WDR4: variants seen among roughly 807,000 people sequenced by gnomAD.
The protein encoded by WDR4 is WDR4 tRNA N7-guanosine methyltransferase non-catalytic subunit, also known as tRNA (guanine-N(7)-)-methyltransferase non-catalytic subunit WDR4.
Under a neutral mutation model 48.6 loss-of-function variants are expected in WDR4, and 47 were observed. The observed-to-expected ratio is 0.97, with a 90% CI of 0.77 to 1.23. The LOEUF is 1.23. WDR4 is among the 50% of genes most tolerant of loss of function. The pLI is 0.00. For missense variants in WDR4, 606 were observed against 551.6 expected, an observed-to-expected ratio of 1.10 and a Z score of -0.99; for synonymous variants, 268 against 230.0, an observed-to-expected ratio of 1.17 and a Z score of -1.49.
Position 42,862,253 on chromosome 21 carries a change from C to A in WDR4, c.566+29G>T. The A allele has an allele frequency of 6.4e-7, 1 of 1,567,798 alleles. No individual in the cohort carries two copies. Among genetic ancestry groups the A allele is most frequent in the Non-Finnish European group, 8.7e-7 (1 of 1,154,006 alleles). ...CGCTGTTTTCAAACAGACCTTCTTT[C>A]TGCTGGAGGGGCAGGAAGGGGCACT... On this transcript the variant is annotated intron_variant, in intron 5 of 10. Transcript: ENST00000398208. The surrounding 1 kb of genome is among the most constrained non-coding windows in gnomAD (Gnocchi z 4.3).
chr21:42,852,125 G>A (rs548709207), intron 10 of WDR4, 130 bp downstream of exon 10: 10 of 955,802 alleles, frequency 1.0e-5, no homozygotes, highest in African/African-American at 4.9e-5. Flanking sequence ...TTCTGGATGG[G>A]GACACACGCT....
rs193280002 is a variant in WDR4 at position 42,862,385 on chromosome 21, G to C, written c.463C>G (p.Pro155Ala). Residue 155 changes from proline to alanine, a missense_variant, in exon 5 of 11, where the codon CCT (proline) becomes GCT (alanine). By Grantham distance (27) the Pro-to-Ala change is conservative (BLOSUM62 -1). Coordinates refer to ENST00000398208, the MANE Select transcript of WDR4 (RefSeq NM_018669.6). This position sits in a 1 kb window ranked among gnomAD's most constrained non-coding sequence, Gnocchi z 4.3. ...LSMLLDVAVS[P>A]DDRFILTADR... ...GCAGTGAGGATGAAGCGGTCATCAG[G>C]ACTCACAGCCTGCATCACCAGGGGC... is the stretch of plus-strand genomic sequence containing the variant. 5.5e-5 allele frequency: 88 copies of C among 1,606,590 alleles called. No individual in the cohort carries two copies. The African/African-American group carries it at 9.5e-4, about 17-fold the overall frequency.
chr21:42,878,128 A>G (rs2058544338), intron 1 of WDR4, among the ~76,000 whole-genome samples: 1 of 152,082 alleles, frequency 6.6e-6, no homozygotes, highest in Non-Finnish European at 1.5e-5. Context: ...TCAAAGAGCC[A>G]TTACTATTTA....
chr21:42,859,732 C>A lies in WDR4; in HGVS notation c.567-10G>T, dbSNP rs1437770390. On this transcript the variant is annotated splice_polypyrimidine_tract_variant and intron_variant, in intron 5 of 10. Transcript: ENST00000398208. Reference sequence around the variant, plus strand: ...GATACGGCTCACAAACCTGTGAGGGCGAGAGAGAGCGGCAGAGTCAGCGAG... The same window carrying A: ...GATACGGCTCACAAACCTGTGAGGGAGAGAGAGAGCGGCAGAGTCAGCGAG... 2.6e-6 allele frequency: 4 copies of A among 1,555,418 alleles called. 1 individual carries two copies. In the South Asian group the frequency reaches 4.8e-5, roughly 18 times the overall value.
At chr21:42,851,365 T>TCAGAGG (rs1403109523) in intron 10 of WDR4, among the ~76,000 whole-genome samples, 5 of 152,106 alleles carry the variant, frequency 3.3e-5, no homozygotes, top group Admixed American at 2.6e-4. Context: ...GAGAGAAGCC[T>TCAGAGG]CAGAGGCAGA....
the WDR4 span, among the ~76,000 whole-genome samples, chr21:42,892,508 T>C: frequency 6.6e-6 from 1 of 151,906 alleles, no homozygotes; most frequent in Admixed American, 6.6e-5. Flanking sequence ...CAGGAATCCC[T>C]ACACAATCCA....
rs997982061 is a variant in WDR4 at position 42,862,655 on chromosome 21, C to T, written c.454-261G>A. Among the ~76,000 whole-genome samples, 3 of 152,114 alleles carry T rather than the reference C, an allele frequency of 2.0e-5. No individual in the cohort carries two copies. The highest frequency in any genetic ancestry group is 4.4e-5 in the Non-Finnish European group (3 of 68,020). On this transcript the variant is annotated intron_variant, in intron 4 of 10. Coordinates refer to ENST00000398208, the MANE Select transcript of WDR4 (RefSeq NM_018669.6). This position sits in a 1 kb window ranked among gnomAD's most constrained non-coding sequence, Gnocchi z 4.3. ...AGGCTTCTGGGGTGGGGCAGTGCCA[C>T]CCCTGCCTGCCTGTCTCCCGCACCT...
At position 42,853,571 on chromosome 21, in the gene WDR4, G is replaced by T. The variant is rs1250933373; in HGVS notation, c.973C>A (p.Gln325Lys). 2 of 1,607,756 alleles carry T rather than the reference G, an allele frequency of 1.2e-6. No individual in the cohort carries two copies. Among genetic ancestry groups the T allele is most frequent in the East Asian group, 4.5e-5 (2 of 44,674 alleles). ...VLYRPVGDQW[Q>K]SVPESTVLKK... ...ATCTGGAAGGTGCCGAGTCTCACCT[G>T]CCACTGGTCGCCCACAGGCCTGTAG... Residue 325 changes from glutamine (Q) to lysine (K), a missense_variant and splice_region_variant, in exon 9 of 11, where the codon CAG (glutamine) becomes AAG (lysine). Physicochemically the swap from Gln to Lys is moderately conservative, Grantham distance 53. Transcript: ENST00000398208.
chr21:42,873,398 A>G (rs983638722), intron 3 of WDR4, among the ~76,000 whole-genome samples, 153 bp downstream of exon 3: 1 of 147,588 alleles, frequency 6.8e-6, no homozygotes, highest in Non-Finnish European at 1.5e-5. Flanking sequence ...GCCAACACAC[A>G]TGTGGCACTG....
chr21:42,866,313 G>A (rs2058244973), intron 3 of WDR4, among the ~76,000 whole-genome samples: 1 of 152,128 alleles, frequency 6.6e-6, no homozygotes, highest in South Asian at 2.1e-4. Flanking sequence ...TCTTGGCTAC[G>A]CCTCAAAACC....
At chr21:42,864,955 C>T (rs929257433) in intron 3 of WDR4, among the ~76,000 whole-genome samples, 5 of 152,218 alleles carry the variant, frequency 3.3e-5, no homozygotes, top group East Asian at 1.9e-4. Context: ...CTGCCCAATA[C>T]GCAGCCAACA....
At chr21:42,892,953 C>G in the WDR4 span, among the ~76,000 whole-genome samples, 2 of 152,250 alleles carry the variant, frequency 1.3e-5, no homozygotes, top group Non-Finnish European at 2.9e-5. Context: ...TTTAAGGCTG[C>G]GAGGACAAGG....
chr21:42,892,598 C>T, the WDR4 span, among the ~76,000 whole-genome samples: 1 of 152,146 alleles, frequency 6.6e-6, no homozygotes, highest in Non-Finnish European at 1.5e-5. Context: ...GCGAATGGGG[C>T]TCTGGGCACG....
upstream of WDR4, among the ~76,000 whole-genome samples, chr21:42,884,413 C>T (rs1601201337): frequency 6.6e-6 from 1 of 152,010 alleles, no homozygotes; most frequent in Admixed American, 6.6e-5. Flanking sequence ...CTTTGGGAGG[C>T]CGAGGTGGGT....
chr21:42,881,986 A>C (rs1173010248), upstream of WDR4, among the ~76,000 whole-genome samples: 2 of 151,896 alleles, frequency 1.3e-5, no homozygotes, highest in East Asian at 3.9e-4. Flanking sequence ...TTTTTAGTAG[A>C]GACGGGGTTT....
chr21:42,852,136 T>C, intron 10 of WDR4, 119 bp downstream of exon 10: 2 of 1,063,238 alleles, frequency 1.9e-6, no homozygotes, highest in Non-Finnish European at 1.4e-6. Flanking sequence ...GACACACGCT[T>C]ACTCTCCCTC....
At chr21:42,870,859 C>G (rs372107625) in intron 3 of WDR4, among the ~76,000 whole-genome samples, 15 of 152,108 alleles carry the variant, frequency 9.9e-5, no homozygotes, top group African/African-American at 3.4e-4. Flanking sequence ...GAGTCCAAGC[C>G]CCCTTTGAGA....
chr21:42,867,956 G>A (rs2058285103), intron 3 of WDR4, among the ~76,000 whole-genome samples: 1 of 152,042 alleles, frequency 6.6e-6, no homozygotes, highest in South Asian at 2.1e-4. Flanking sequence ...TCTCCCTCTT[G>A]GCAAAGCACC....
At chr21:42,858,454 G>T (rs1007604424) in intron 6 of WDR4, among the ~76,000 whole-genome samples, 1 of 152,220 alleles carries the variant, frequency 6.6e-6, no homozygotes, top group African/African-American at 2.4e-5. Context: ...GAGGGAAACC[G>T]TTTCAACCAG....
Sources: allele counts gnomAD v4.1 joint callset (sites outside exome capture counted in the v4.1 genomes callset), GRCh38; gene constraint gnomAD v4.1.1; non-coding constraint Gnocchi (gnomAD v3.1); transcripts MANE v1.5; gene names NCBI Gene and HGNC (gene_info 2026-07-23, HGNC 2026-07-21).